The following SPAG16 variants were observed in gnomAD, a reference collection of about 807,000 sequenced individuals.
The protein encoded by SPAG16 is sperm-associated antigen 16 protein.
SPAG16 carries 86 observed loss-of-function variants against 80.4 expected under a neutral mutation model. That is an observed-to-expected ratio of 1.07 (90% CI 0.90 to 1.28). The LOEUF (loss-of-function observed/expected upper bound fraction) is 1.28, where lower values mean the gene tolerates loss of function less well. Among genes scored for constraint, SPAG16 ranks in the 50% most tolerant of loss-of-function variants. The pLI, the probability that SPAG16 is intolerant of heterozygous loss-of-function variation, is 0.00. For missense variants in SPAG16, 870 were observed against 765.3 expected (o/e 1.14, Z -1.61); for synonymous variants, 294 against 265.9 (o/e 1.11, Z -1.03).
intron 13 of SPAG16, among the ~76,000 whole-genome samples, chr2:214,089,436 A>T (rs767009380): frequency 3.9e-5 from 6 of 152,038 alleles, no homozygotes; most frequent in Non-Finnish European, 1.5e-5. Context: ...CACTTTCATC[A>T]TTCTCCTTGT....
intron 6 of SPAG16, among the ~76,000 whole-genome samples, chr2:213,348,246 C>T (rs910018925): frequency 2.0e-4 from 30 of 152,110 alleles, no homozygotes; most frequent in African/African-American, 6.5e-4. Context: ...CTTCCTCCAT[C>T]CCTTGATTTT....
At chr2:213,346,449 T>A (rs973938064) in intron 6 of SPAG16, among the ~76,000 whole-genome samples, 3 of 152,224 alleles carry the variant, frequency 2.0e-5, no homozygotes, top group Non-Finnish European at 4.4e-5. Flanking sequence ...AGGACATCCC[T>A]GTCTTGTGCC....
At chr2:213,916,038 A>T (rs528746759) in intron 11 of SPAG16, among the ~76,000 whole-genome samples, 1 of 152,304 alleles carries the variant, frequency 6.6e-6, no homozygotes, top group African/African-American at 2.4e-5. Flanking sequence ...GATAGATTGC[A>T]AAAATTTTCT....
At chr2:213,474,358 G>T (rs566271059) in intron 9 of SPAG16, among the ~76,000 whole-genome samples, 1 of 152,208 alleles carries the variant, frequency 6.6e-6, no homozygotes, top group African/African-American at 2.4e-5. Flanking sequence ...GGGAAACCTT[G>T]GCAGATTTGA....
chr2:213,728,908 A>AAAAAAAAAAAAAAAAAAAC (rs2066904031), intron 10 of SPAG16, among the ~76,000 whole-genome samples: 1 of 111,082 alleles, frequency 9.0e-6, no homozygotes, highest in Non-Finnish European at 2.0e-5. Flanking sequence ...AAAAAAAAAA[A>AAAAAAAAAAAAAAAAAAAC]AAAAAAAAAA....
rs140972487 is a variant in SPAG16, at chr2:213,599,264, G to A, written c.1070+109174G>A. ...ATCTGAGAATTATATGCTGCTTCTT[G>A]CTTGCTTTCTTGATACGAACTACAA... On this transcript the variant is annotated intron_variant, in intron 10 of 15. Coordinates refer to ENST00000331683, the MANE Select transcript of SPAG16 (RefSeq NM_024532.5). 4.2e-3 allele frequency among the ~76,000 whole-genome samples: 644 copies of A among 152,292 alleles called. 4 individuals are homozygous for A. Among genetic ancestry groups the A allele is most frequent in the African/African-American group, 0.014 (597 of 41,568 alleles).
intron 15 of SPAG16, among the ~76,000 whole-genome samples, chr2:214,165,044 C>T (rs2056591189): frequency 1.3e-5 from 2 of 151,990 alleles, no homozygotes; most frequent in Non-Finnish European, 2.9e-5. Flanking sequence ...TCCCTCTTTA[C>T]TGTATGGAAA....
At chr2:213,857,229 C>CA (rs1479075923) in intron 10 of SPAG16, among the ~76,000 whole-genome samples, 5 of 151,856 alleles carry the variant, frequency 3.3e-5, no homozygotes, top group Non-Finnish European at 5.9e-5. Context: ...GACTGCATCT[C>CA]AAAAAAAATT....
intron 11 of SPAG16, among the ~76,000 whole-genome samples, chr2:213,898,132 CTAAG>C (rs2077067601): frequency 6.6e-6 from 1 of 152,084 alleles, no homozygotes. Flanking sequence ...TACTGAAAAA[CTAAG>C]TGTGTTTCAC....
At chr2:214,316,923 C>G (rs1403947166) in intron 15 of SPAG16, among the ~76,000 whole-genome samples, 1 of 152,138 alleles carries the variant, frequency 6.6e-6, no homozygotes, top group Non-Finnish European at 1.5e-5. Context: ...TTTGCCAGAC[C>G]CTAGGCCCTT....
At chr2:214,276,950 T>C (rs546702912) in intron 15 of SPAG16, among the ~76,000 whole-genome samples, 14 of 152,350 alleles carry the variant, frequency 9.2e-5, no homozygotes, top group African/African-American at 1.4e-4. Context: ...GATTTGTTTT[T>C]TTTCACATAG....
In SPAG16 at chr2:213,454,843, A is replaced by G. The variant is rs76566558; in HGVS notation, c.943-35120A>G. 8.8e-3 allele frequency among the ~76,000 whole-genome samples: 1,345 copies of G among 152,324 alleles called. 22 individuals carry two copies. Among genetic ancestry groups the G allele is most frequent in the African/African-American group, 0.03 (1,254 of 41,568 alleles). ...GGTCAGTTTACGTTATTGTCTTATT[A>G]GAATGCATGAAATTTTGTAATACAA... On this transcript the variant is annotated intron_variant, in intron 9 of 15. Coordinates refer to ENST00000331683, the MANE Select transcript of SPAG16 (RefSeq NM_024532.5).
chr2:214,023,845 G>A (rs536068991), intron 13 of SPAG16, among the ~76,000 whole-genome samples: 14 of 151,248 alleles, frequency 9.3e-5, no homozygotes, highest in South Asian at 6.2e-4. Context: ...TTTGTATATC[G>A]GTATCAGCCT....
At position 213,930,059 on chromosome 2, in the gene SPAG16, A is replaced by G. The variant is rs2078679766; in HGVS notation, c.1314A>G (p.Ala438=). 1 of 1,614,120 alleles carries G rather than the reference A, an allele frequency of 6.2e-7. No homozygotes were observed. The highest frequency in any genetic ancestry group is 1.6e-4 in the Middle Eastern group (1 of 6,062). ...CILTFEGHSR[A]VWSCTWHSCG... is the part of the protein sequence containing the mutation. Reference sequence around the variant, plus strand: ...TGACCTTTGAAGGACACAGCCGCGCAGTGTGGTCCTGCACATGGCACTCCT... The same window carrying G: ...TGACCTTTGAAGGACACAGCCGCGCGGTGTGGTCCTGCACATGGCACTCCT... Residue 438 remains alanine (A), a synonymous_variant, in exon 12 of 16, where the codon GCA becomes GCG. Coordinates refer to ENST00000331683, the MANE Select transcript of SPAG16 (RefSeq NM_024532.5).
intron 9 of SPAG16, among the ~76,000 whole-genome samples, chr2:213,435,475 C>T (rs1025916375): frequency 2.6e-5 from 4 of 152,136 alleles, no homozygotes; most frequent in African/African-American, 4.8e-5. Context: ...AAAGGCCCGA[C>T]TTCACCTTTA....
intron 14 of SPAG16, among the ~76,000 whole-genome samples, chr2:214,118,630 C>T (rs1158625648): frequency 6.6e-6 from 1 of 152,132 alleles, no homozygotes; most frequent in Non-Finnish European, 1.5e-5. Context: ...TGAGAACTCA[C>T]ACACTATCAC....
At chr2:214,093,248 G>A (rs2052344983) in intron 13 of SPAG16, among the ~76,000 whole-genome samples, 1 of 151,808 alleles carries the variant, frequency 6.6e-6, no homozygotes, top group Non-Finnish European at 1.5e-5. Flanking sequence ...TAAATGATGT[G>A]GTTTCTCTTC....
chr2:214,309,334 C>T (rs1230501341), intron 15 of SPAG16, among the ~76,000 whole-genome samples: 1 of 152,104 alleles, frequency 6.6e-6, no homozygotes, highest in Non-Finnish European at 1.5e-5. Context: ...ACAATGTACT[C>T]CTATAGCTCA....
intron 6 of SPAG16, among the ~76,000 whole-genome samples, chr2:213,342,341 T>G (rs796101144): frequency 0.17 from 1,086 of 6,248 alleles, 11 homozygotes; most frequent in South Asian, 0.5. Context: ...ATATATATAT[T>G]ACATATATGT....
Sources: allele counts gnomAD v4.1 joint callset (sites outside exome capture counted in the v4.1 genomes callset), GRCh38; gene constraint gnomAD v4.1.1; transcripts MANE v1.5; gene names NCBI Gene and HGNC (gene_info 2026-07-23, HGNC 2026-07-21).